SNX15: variants seen among roughly 807,000 people sequenced by gnomAD.
SNX15 encodes sorting nexin 15.
A neutral mutation model predicts 35.2 loss-of-function variants in SNX15; 29 were observed. That is an observed-to-expected ratio of 0.82 (90% CI 0.61 to 1.12). The LOEUF (loss-of-function observed/expected upper bound fraction) is 1.12. Ranked by LOEUF, SNX15 falls within the 50% of genes most tolerant of loss-of-function variation. The pLI is 0.00. For synonymous variants in SNX15, 189 were observed against 188.2 expected (o/e 1.00, Z -0.03); for missense variants, 400 against 451.5 (o/e 0.89, Z 1.03).
In SNX15 at chr11:65,038,835, T is replaced by C. The variant is rs1208140536; in HGVS notation, c.922+6T>C. On this transcript the variant is annotated splice_donor_region_variant and intron_variant, in intron 7 of 7. Transcript: ENST00000377244. ...CTTGCTTCAGGGAGTCCCCAGTGAGTAGGGACTGAGGGTGGAGGGTCAGGC... is the reference window on the plus strand; with the variant it reads ...CTTGCTTCAGGGAGTCCCCAGTGAGCAGGGACTGAGGGTGGAGGGTCAGGC... 6.4e-7 allele frequency: 1 copy of C among 1,565,904 alleles called. No individual in the cohort carries two copies. Among genetic ancestry groups the C allele is most frequent in the Middle Eastern group, 1.7e-4 (1 of 5,922 alleles).
At position 65,039,838 on chromosome 11, in the gene SNX15, C is replaced by T. The variant is rs760706239; in HGVS notation, c.*46C>T. On this transcript the variant is annotated 3_prime_UTR_variant, in exon 8 of 8. Coordinates refer to ENST00000377244, the MANE Select transcript of SNX15 (RefSeq NM_013306.5). ...GGGACTCTCGCTCCTGCACTGCCAGCCCCTTCTCCTCTCCCCAGGGCCTGG... is the reference window on the plus strand; with the variant it reads ...GGGACTCTCGCTCCTGCACTGCCAGTCCCTTCTCCTCTCCCCAGGGCCTGG... 1.5e-6 allele frequency: 2 copies of T among 1,326,110 alleles called. No homozygotes were observed. The highest frequency in any genetic ancestry group is 1.2e-5 in the South Asian group (1 of 80,818). 82.1% of individuals were successfully genotyped at this position (1,326,110 alleles called of 1,614,324 possible). A position where few individuals can be genotyped will look rare whatever the true frequency, so the allele number is the denominator to read the frequency against.
chr11:65,039,605 C>T (rs895664451), intron 7 of SNX15, 81 bp from the exon 8 acceptor site: 7 of 794,342 alleles, frequency 8.8e-6, no homozygotes, highest in African/African-American at 3.4e-5. Flanking sequence ...TGATGCTCTG[C>T]GAATTGTAAA....
chr11:65,032,344 TCCTCACGCCC>T lies in SNX15; in HGVS notation c.136-83_136-74del, dbSNP rs1316122410. The T allele has an allele frequency of 3.7e-6, 6 of 1,604,412 alleles. No homozygotes were observed. The Admixed American group carries it at 6.7e-5, about 18-fold the overall frequency. On this transcript the variant is annotated intron_variant, in intron 2 of 7. Coordinates refer to ENST00000377244, the MANE Select transcript of SNX15 (RefSeq NM_013306.5). ...AGGGGCTGCTGCAGCTGCTTCCTGATCCTCACGCCCCCTGGGGGCAGGCTAGGCATGGGGG... is the reference window on the plus strand; with the variant it reads ...AGGGGCTGCTGCAGCTGCTTCCTGATCCTGGGGGCAGGCTAGGCATGGGGG...
Position 65,039,813 on chromosome 11 carries a change from G to GTTA in SNX15, c.*21_*22insTTA. ...CCTAACAGGGAGTGGGCCATTCCCT[G>GTTA]GGACTCTCGCTCCTGCACTGCCAGC... On this transcript the variant is annotated 3_prime_UTR_variant, in exon 8 of 8. Coordinates refer to ENST00000377244, the MANE Select transcript of SNX15 (RefSeq NM_013306.5). 6.5e-7 allele frequency: 1 copy of GTTA among 1,545,404 alleles called. No individual in the cohort carries two copies. The highest frequency in any genetic ancestry group is 8.9e-7 in the Non-Finnish European group (1 of 1,124,212).
chr11:65,034,704 C>T, intron 3 of SNX15, 143 bp from the exon 4 acceptor site: 1 of 628,090 alleles, frequency 1.6e-6, no homozygotes, highest in Non-Finnish European at 2.8e-6. Context: ...CCAGGAGGAA[C>T]CAGGGCAGAT....
In SNX15 at chr11:65,039,859, C is replaced by G; in HGVS notation, c.*67C>G. The stretch of plus-strand genomic sequence containing the variant: ...CCAGCCCCTTCTCCTCTCCCCAGGG[C>G]CTGGCCCTACCTCCTGGTCTTGTAA... On this transcript the variant is annotated 3_prime_UTR_variant, in exon 8 of 8. Coordinates refer to ENST00000377244, the MANE Select transcript of SNX15 (RefSeq NM_013306.5). 9.8e-7 allele frequency: 1 copy of G among 1,017,146 alleles called. No homozygotes were observed. The highest frequency in any genetic ancestry group is 1.5e-6 in the Non-Finnish European group (1 of 665,858). 63.0% of individuals were successfully genotyped at this position (1,017,146 alleles called of 1,614,324 possible). A position where few individuals can be genotyped will look rare whatever the true frequency, so the allele number is the denominator to read the frequency against.
intron 1 of SNX15, among the ~76,000 whole-genome samples, chr11:65,031,967 T>G (rs1481433490): frequency 6.6e-6 from 1 of 151,814 alleles, no homozygotes; most frequent in African/African-American, 2.4e-5. Flanking sequence ...ATTTGATAGA[T>G]GGAGAAACTG....
Position 65,039,029 on chromosome 11 carries a change from C to CTTTTTTTTTTTTTTTT in SNX15, c.922+204_922+219dup, listed in dbSNP as rs747153458. ...TTGTGGCCTCAGTTTTCTTCTTCCT[C>CTTTTTTTTTTTTTTTT]TTTTTTTTTTTTTTTTTTTGAGACA... On this transcript the variant is annotated intron_variant, in intron 7 of 7. Coordinates refer to ENST00000377244, the MANE Select transcript of SNX15 (RefSeq NM_013306.5). 1.4e-4 allele frequency among the ~76,000 whole-genome samples: 10 copies of CTTTTTTTTTTTTTTTT among 72,494 alleles called. 2 individuals carry two copies. Among genetic ancestry groups the CTTTTTTTTTTTTTTTT allele is most frequent in the South Asian group, 3.8e-4 (1 of 2,656 alleles). The allele number at this position is 72,494 out of a possible 152,430, so 47.6% of individuals were successfully genotyped here. A position where few individuals can be genotyped will look rare whatever the true frequency, so the allele number is the denominator to read the frequency against.
chr11:65,035,102 A>G lies in SNX15; in HGVS notation c.416A>G (p.His139Arg), dbSNP rs1946485348. Reference sequence around the variant, plus strand: ...CCCTTGGAGGTGTCCAGGGACCTACACATCCTGCCACCCCCTCTGATCCCC... The same window carrying G: ...CCCTTGGAGGTGTCCAGGGACCTACGCATCCTGCCACCCCCTCTGATCCCC... The part of the protein sequence containing the change: ...TRPLEVSRDL[H>R]ILPPPLIPTP... Residue 139 changes from histidine to arginine, a missense_variant, in exon 5 of 8, where the codon CAC (histidine) becomes CGC (arginine). Coordinates refer to ENST00000377244, the MANE Select transcript of SNX15 (RefSeq NM_013306.5). 6.2e-7 allele frequency: 1 copy of G among 1,611,748 alleles called. No individual in the cohort carries two copies. The highest frequency in any genetic ancestry group is 1.3e-5 in the African/African-American group (1 of 74,784).
rs1043557331 is a variant in SNX15 at position 65,027,460 on chromosome 11, C to T, written c.-78C>T. ...GAGCGCAGGCCTGGCGAGGCGGCGG[C>T]GGGCGGAGGCTGGGCCGGAGGGGTG... On this transcript the variant is annotated 5_prime_UTR_variant, in exon 1 of 8. Coordinates refer to ENST00000377244, the MANE Select transcript of SNX15 (RefSeq NM_013306.5). The T allele has an allele frequency of 1.6e-5, 18 of 1,155,894 alleles. No individual in the cohort carries two copies. The highest frequency in any genetic ancestry group is 1.8e-5 in the Non-Finnish European group (14 of 768,112). 71.6% of individuals were successfully genotyped at this position (1,155,894 alleles called of 1,614,324 possible).
At chr11:65,035,285 C>G (rs1179426672) in intron 5 of SNX15, 79 bp downstream of exon 5, 1 of 1,371,970 alleles carries the variant, frequency 7.3e-7, no homozygotes, top group African/African-American at 1.5e-5. Flanking sequence ...CCTCAGTGAT[C>G]TTACTGAGAA....
rs375033086 is a variant in SNX15, at chr11:65,034,869, C to G, written c.279C>G (p.Ile93Met). The change falls in exon 4 of 8, where the codon ATC becomes ATG. Residue 93 changes from isoleucine to methionine, a missense_variant. Ile to Met is a conservative substitution (Grantham distance 10). Coordinates refer to ENST00000377244, the MANE Select transcript of SNX15 (RefSeq NM_013306.5). ...TAGGCCGGTTTGAAGCCTCAGTGAT[C>G]GAGGAGCGGCGAAAGGGGGCAGAGG... The part of the protein sequence containing the change: ...QVFGRFEASV[I>M]EERRKGAEDL... 1.9e-6 allele frequency: 3 copies of G among 1,613,946 alleles called. No homozygotes were observed. The highest frequency in any genetic ancestry group is 1.7e-4 in the Middle Eastern group (1 of 6,060).
chr11:65,032,000 C>T (rs530348427), intron 1 of SNX15, among the ~76,000 whole-genome samples, 168 bp from the exon 2 acceptor site: 1 of 152,254 alleles, frequency 6.6e-6, no homozygotes, highest in South Asian at 2.1e-4. Flanking sequence ...GGAAAAGTTG[C>T]TAAAATTACA....
At chr11:65,037,946 C>T (rs572415771) in intron 6 of SNX15, 1 of 152,430 alleles carries the variant, frequency 6.6e-6, no homozygotes, top group Admixed American at 6.5e-5. Flanking sequence ...TGCCCCCGCA[C>T]CTTCCCCTCA....
In SNX15 at chr11:65,038,843, G is replaced by A; in HGVS notation, c.922+14G>A. ...AGGGAGTCCCCAGTGAGTAGGGACT[G>A]AGGGTGGAGGGTCAGGCCTGGGTCC... is the stretch of plus-strand genomic sequence containing the variant. On this transcript the variant is annotated intron_variant, in intron 7 of 7. Transcript: ENST00000377244. 1 of 1,545,014 alleles carries A rather than the reference G, an allele frequency of 6.5e-7. No homozygotes were observed. Among genetic ancestry groups the A allele is most frequent in the Non-Finnish European group, 8.7e-7 (1 of 1,143,012 alleles).
At position 65,027,504 on chromosome 11, in the gene SNX15, A is replaced by G; in HGVS notation, c.-34A>G. 6.3e-7 allele frequency: 1 copy of G among 1,577,524 alleles called. No individual in the cohort carries two copies. Among genetic ancestry groups the G allele is most frequent in the Non-Finnish European group, 8.7e-7 (1 of 1,147,670 alleles). ...AGGGGTGGGGACGGCGAGGAGGTGG[A>G]GGCCGGCGCTCCGCTCCGCTCCAGC... On this transcript the variant is annotated 5_prime_UTR_variant, in exon 1 of 8. Coordinates refer to ENST00000377244, the MANE Select transcript of SNX15 (RefSeq NM_013306.5).
chr11:65,032,371 G>A, intron 2 of SNX15, 60 bp from the exon 3 acceptor site: 1 of 1,612,402 alleles, frequency 6.2e-7, no homozygotes, highest in Non-Finnish European at 8.5e-7. Context: ...GGCAGGCTAG[G>A]CATGGGGGCG....
intron 7 of SNX15, among the ~76,000 whole-genome samples, chr11:65,039,225 A>ATT (rs1204929609): frequency 1.5e-5 from 2 of 137,910 alleles, no homozygotes; most frequent in African/African-American, 5.3e-5. Flanking sequence ...ATTTTTATTT[A>ATT]TTTATTTTTA....
At position 65,039,953 on chromosome 11, in the gene SNX15, T is replaced by TTAC. The variant is rs2031384258; in HGVS notation, c.*162_*164dup. 1 of 563,562 alleles carries TTAC rather than the reference T, an allele frequency of 1.8e-6. No individual in the cohort carries two copies. Among genetic ancestry groups the TTAC allele is most frequent in the African/African-American group, 1.9e-5 (1 of 53,014 alleles). 34.9% of individuals were successfully genotyped at this position (563,562 alleles called of 1,614,324 possible). ...AAATAATGAATTCTTAGCTCCCTGA[T>TTAC]TACACCTGCCACCTTGGAATCAAGG... On this transcript the variant is annotated 3_prime_UTR_variant, in exon 8 of 8. Coordinates refer to ENST00000377244, the MANE Select transcript of SNX15 (RefSeq NM_013306.5).
Sources: allele counts gnomAD v4.1 joint callset (sites outside exome capture counted in the v4.1 genomes callset), GRCh38; gene constraint gnomAD v4.1.1; transcripts MANE v1.5; gene names NCBI Gene and HGNC (gene_info 2026-07-23, HGNC 2026-07-21).